RALGPS1: variants seen among roughly 807,000 people sequenced by gnomAD.
RALGPS1 encodes Ral GEF with PH domain and SH3 binding motif 1, also known as ras-specific guanine nucleotide-releasing factor RalGPS1.
Under a neutral mutation model 78.8 loss-of-function variants are expected in RALGPS1, and 19 were observed. The observed-to-expected ratio is 0.24, with a 90% CI of 0.17 to 0.35. The LOEUF (loss-of-function observed/expected upper bound fraction) is 0.35, where lower values mean the gene tolerates loss of function less well. Ranked by LOEUF, RALGPS1 falls within the 10% of genes least tolerant of loss-of-function variation. The pLI is 1.00. For synonymous variants in RALGPS1, 228 were observed against 256.3 expected (o/e 0.89, Z 1.06); for missense variants, 454 against 688.3 (o/e 0.66, Z 3.81).
intron 1 of RALGPS1, among the ~76,000 whole-genome samples, chr9:126,921,353 G>A (rs1017584621): frequency 1.3e-5 from 2 of 152,166 alleles, no homozygotes; most frequent in Non-Finnish European, 2.9e-5. Flanking sequence ...CACTTTCTGC[G>A]TGAGCTCTTC....
chr9:127,136,335 A>G (rs2057389876), intron 8 of RALGPS1, among the ~76,000 whole-genome samples: 2 of 152,294 alleles, frequency 1.3e-5, no homozygotes, highest in Non-Finnish European at 1.5e-5. Flanking sequence ...GGCAGCAGAG[A>G]TGATTTGGTG....
At chr9:127,178,040 C>T (rs1490958901) in intron 11 of RALGPS1, 3 of 1,493,918 alleles carry the variant, frequency 2.0e-6, no homozygotes, top group African/African-American at 2.8e-5. Flanking sequence ...ATGGGCCGGC[C>T]CAGGGTCCTG....
At chr9:126,917,820 C>T (rs766365244) in intron 1 of RALGPS1, among the ~76,000 whole-genome samples, 2 of 152,226 alleles carry the variant, frequency 1.3e-5, no homozygotes, top group Non-Finnish European at 2.9e-5. Flanking sequence ...CAAATCCCTT[C>T]CTGTCTCCAG....
chr9:127,043,400 CAAA>C (rs34894330), intron 5 of RALGPS1, among the ~76,000 whole-genome samples: 577 of 136,638 alleles, frequency 4.2e-3, no homozygotes, highest in East Asian at 8.4e-3. Context: ...TGTGTATATG[CAAA>C]AAAAAAAAAA....
chr9:127,092,078 A>G, intron 8 of RALGPS1: 3 of 1,005,138 alleles, frequency 3.0e-6, no homozygotes, highest in South Asian at 3.1e-5. Context: ...TCAGACCCCT[A>G]CTCCACCTCT....
chr9:127,217,214 TG>T, intron 18 of RALGPS1: 2 of 1,224,484 alleles, frequency 1.6e-6, no homozygotes, highest in Non-Finnish European at 2.0e-6. Flanking sequence ...TAAGGATTTT[TG>T]TCTGATTTTC....
intron 8 of RALGPS1, among the ~76,000 whole-genome samples, chr9:127,157,938 C>G (rs1265728119): frequency 6.6e-6 from 1 of 152,036 alleles, no homozygotes. Flanking sequence ...TTTTAATTTT[C>G]TAATATGTAT....
At chr9:127,158,909 G>A (rs2058852464) in intron 8 of RALGPS1, among the ~76,000 whole-genome samples, 1 of 151,588 alleles carries the variant, frequency 6.6e-6, no homozygotes, top group Admixed American at 6.6e-5. Context: ...TTACCCATGG[G>A]ACAGAGAAGG....
chr9:127,181,751 CTT>C (rs1417570428), intron 11 of RALGPS1, among the ~76,000 whole-genome samples: 1 of 152,082 alleles, frequency 6.6e-6, no homozygotes, highest in African/African-American at 2.4e-5. Flanking sequence ...TTCTCCATCT[CTT>C]TGGCCTGTGG....
At chr9:127,025,070 C>A (rs1226416507) in intron 4 of RALGPS1, among the ~76,000 whole-genome samples, 9 of 152,080 alleles carry the variant, frequency 5.9e-5, no homozygotes, top group African/African-American at 2.2e-4. Flanking sequence ...CCTCCTGTTC[C>A]CAGTCCTTGG....
chr9:127,199,353 C>T (rs574680159), intron 14 of RALGPS1, among the ~76,000 whole-genome samples: 1 of 152,274 alleles, frequency 6.6e-6, no homozygotes, highest in South Asian at 2.1e-4. Flanking sequence ...AGATTTGGTC[C>T]GAAGTGTGGG....
intron 1 of RALGPS1, among the ~76,000 whole-genome samples, chr9:126,959,215 C>A (rs1392356439): frequency 6.6e-6 from 1 of 152,082 alleles, no homozygotes; most frequent in Non-Finnish European, 1.5e-5. Context: ...GCATGTGCCA[C>A]CACATCTGAC....
In RALGPS1 at chr9:127,214,797, G is replaced by A; in HGVS notation, c.1599G>A (p.Leu533=). The change falls in exon 18 of 19, where the codon CTG becomes CTA. Residue 533 remains leucine, a synonymous_variant. Coordinates refer to ENST00000259351, the MANE Select transcript of RALGPS1 (RefSeq NM_014636.3). ...CTGGTTCCCGATTTCATGCAATACT[G>A]TGGCACAAGCATTTGGATGATGCAT... The part of the protein sequence containing the change: ...FQTGSRFHAI[L]WHKHLDDACK... The A allele has an allele frequency of 6.2e-7, 1 of 1,611,660 alleles. No individual in the cohort carries two copies. Among genetic ancestry groups the A allele is most frequent in the Non-Finnish European group, 8.5e-7 (1 of 1,179,188 alleles).
intron 11 of RALGPS1, among the ~76,000 whole-genome samples, chr9:127,189,316 A>T (rs1295280649): frequency 6.6e-6 from 1 of 152,156 alleles, no homozygotes; most frequent in African/African-American, 2.4e-5. Context: ...TCGTAGACCC[A>T]TCAGCTGGGG....
intron 1 of RALGPS1, among the ~76,000 whole-genome samples, chr9:126,946,981 G>A (rs911070850): frequency 1.3e-4 from 20 of 152,178 alleles, no homozygotes; most frequent in African/African-American, 4.8e-4. Context: ...AGATGCTTAT[G>A]TGGGAGATGG....
At chr9:127,163,368 G>C (rs550799564) in intron 8 of RALGPS1, among the ~76,000 whole-genome samples, 1 of 152,236 alleles carries the variant, frequency 6.6e-6, no homozygotes, top group African/African-American at 2.4e-5. Context: ...GAAAAACAAG[G>C]TGAAGAGAAA....
At chr9:126,927,093 T>C (rs1428642509) in intron 1 of RALGPS1, among the ~76,000 whole-genome samples, 1 of 152,154 alleles carries the variant, frequency 6.6e-6, no homozygotes, top group East Asian at 1.9e-4. Context: ...GTTCTCACAC[T>C]CTAGAGCATC....
Position 127,103,457 on chromosome 9 carries a change from C to T in RALGPS1, c.610+34101C>T, listed in dbSNP as rs918728003. On this transcript the variant is annotated intron_variant, in intron 8 of 18. Transcript: ENST00000259351. ...CTAACATTTAAAGAAATCAGAACTT[C>T]ACACTTAGCTATATGTTGAAAGACT... 1.5e-4 allele frequency among the ~76,000 whole-genome samples: 23 copies of T among 152,240 alleles called. 1 individual carries two copies. The highest frequency in any genetic ancestry group is 5.3e-4 in the African/African-American group (22 of 41,464).
intron 1 of RALGPS1, among the ~76,000 whole-genome samples, chr9:126,949,134 A>T (rs1348421177): frequency 6.6e-6 from 1 of 152,170 alleles, no homozygotes; most frequent in Non-Finnish European, 1.5e-5. Context: ...CCTACAAAGG[A>T]CATGAACTCA....
Sources: gnomAD v4.1 joint callset for allele counts (sites outside exome capture counted in the v4.1 genomes callset) on GRCh38, gnomAD v4.1.1 for gene constraint, MANE v1.5 for transcripts, NCBI Gene and HGNC (gene_info 2026-07-23, HGNC 2026-07-21) for gene names.